CHIT1: variants seen among roughly 807,000 people sequenced by gnomAD.
CHIT1 encodes chitotriosidase-1.
In CHIT1, 47 loss-of-function variants were observed where a neutral mutation model predicts 52.0. The observed-to-expected ratio is 0.90, with a 90% CI of 0.71 to 1.15. The LOEUF is 1.15. Among genes scored for constraint, CHIT1 ranks in the 50% most tolerant of loss-of-function variants. The pLI is 0.00. For synonymous variants in CHIT1, 242 were observed against 228.2 expected (o/e 1.06, Z -0.54); for missense variants, 569 against 583.0 (o/e 0.98, Z 0.25).
chr1:203,219,641 A>G (rs759317712), intron 8 of CHIT1, 23 bp downstream of exon 8: 3 of 1,613,798 alleles, frequency 1.9e-6, no homozygotes, highest in South Asian at 2.2e-5. Flanking sequence ...CACAATACCC[A>G]GGGTGGTTAT....
intron 10 of CHIT1, chr1:203,217,341 C>T (rs1656570648): frequency 6.6e-7 from 1 of 1,519,740 alleles, no homozygotes; most frequent in Non-Finnish European, 8.8e-7. Flanking sequence ...CACCTGGCCT[C>T]ACATGTGACA....
upstream of CHIT1, chr1:203,229,964 C>A: frequency 2.4e-6 from 1 of 417,864 alleles, no homozygotes; most frequent in Non-Finnish European, 4.5e-6. Context: ...TGGTGAGGAC[C>A]ATAAGCAGCC....
Position 203,217,325 on chromosome 1 carries a change from A to G in CHIT1, c.1157-192T>C, listed in dbSNP as rs1289439700. On this transcript the variant is annotated intron_variant, in intron 10 of 10. Transcript: ENST00000367229. ...ACCTACAGCTGAAGCACAGTGCCAC[A>G]GGCAACACCTGGCCTCACATGTGAC... The G allele has an allele frequency of 2.0e-6, 3 of 1,527,142 alleles. No homozygotes were observed. The African/African-American group carries it at 4.1e-5, about 21-fold the overall frequency. The allele number at this position is 1,527,142 out of a possible 1,614,324, so 94.6% of individuals were successfully genotyped here.
intron 2 of CHIT1, among the ~76,000 whole-genome samples, chr1:203,227,867 C>T (rs1294461476): frequency 6.6e-6 from 1 of 152,198 alleles, no homozygotes; most frequent in Non-Finnish European, 1.5e-5. Context: ...ACCTCCAATG[C>T]TACAGCCCAG....
intron 7 of CHIT1, among the ~76,000 whole-genome samples, chr1:203,221,587 T>TA (rs1344243552): frequency 6.6e-6 from 1 of 152,184 alleles, no homozygotes; most frequent in Non-Finnish European, 1.5e-5. Context: ...TGCCACTGCA[T>TA]ACCCTCCTTG....
chr1:203,228,438 T>C, intron 2 of CHIT1, 95 bp downstream of exon 2: 1 of 1,312,886 alleles, frequency 7.6e-7, no homozygotes, highest in South Asian at 1.3e-5. Context: ...CACTGAAATC[T>C]GGAGCTCTTG....
In CHIT1 at chr1:203,229,631, C is replaced by A. The variant is rs1657060985; in HGVS notation, c.6G>T (p.Val2=). 1 of 1,614,124 alleles carries A rather than the reference C, an allele frequency of 6.2e-7. No individual in the cohort carries two copies. Among genetic ancestry groups the A allele is most frequent in the Non-Finnish European group, 8.5e-7 (1 of 1,180,008 alleles). Residue 2 remains valine (V), a synonymous_variant, in exon 1 of 11, where the codon GTG becomes GTT. Coordinates refer to ENST00000367229, the MANE Select transcript of CHIT1 (RefSeq NM_003465.3). Reference sequence around the variant, plus strand: ...GCTCACCTGCCCAGGCCACAGACCGCACCATGATGCAGCTCAGCGGCAGGC... The same window carrying A: ...GCTCACCTGCCCAGGCCACAGACCGAACCATGATGCAGCTCAGCGGCAGGC... M[V]RSVAWAGFMV... is the part of the protein sequence containing the mutation.
chr1:203,226,575 A>G (rs1190027032), intron 2 of CHIT1, among the ~76,000 whole-genome samples: 2 of 152,190 alleles, frequency 1.3e-5, no homozygotes, highest in African/African-American at 2.4e-5. Context: ...TCCCTTGTAG[A>G]TAATCTACGT....
intron 4 of CHIT1, among the ~76,000 whole-genome samples, chr1:203,224,487 A>G (rs7541179): frequency 0.028 from 4,192 of 152,310 alleles, 206 homozygotes; most frequent in African/African-American, 0.095. Flanking sequence ...AAGTTTTAGA[A>G]AGACTGTTTA....
At chr1:203,228,733 A>G (rs1657024478) in intron 1 of CHIT1, among the ~76,000 whole-genome samples, 171 bp from the exon 2 acceptor site, 1 of 152,090 alleles carries the variant, frequency 6.6e-6, no homozygotes, top group Non-Finnish European at 1.5e-5. Flanking sequence ...CTTCATGCAG[A>G]CCAGACCACG....
chr1:203,226,276 C>T (rs1049990459), intron 2 of CHIT1, among the ~76,000 whole-genome samples: 7 of 152,228 alleles, frequency 4.6e-5, no homozygotes, highest in African/African-American at 1.2e-4. Flanking sequence ...CTCCCAGGAT[C>T]AGGGTCTGGC....
chr1:203,225,008 T>C, intron 4 of CHIT1, 40 bp downstream of exon 4: 1 of 1,590,212 alleles, frequency 6.3e-7, no homozygotes, highest in Non-Finnish European at 8.6e-7. Flanking sequence ...CAGGTTCCCA[T>C]CCAGGAGCTT....
rs150852382 is a variant in CHIT1 at position 203,217,751 on chromosome 1, G to A, written c.1144C>T (p.Arg382Trp). The A allele has an allele frequency of 2.3e-5, 37 of 1,613,824 alleles. No homozygotes were observed. The highest frequency in any genetic ancestry group is 1.6e-4 in the Middle Eastern group (1 of 6,074). Residue 382 changes from arginine (R) to tryptophan (W), a missense_variant, in exon 10 of 11, where the codon CGG becomes TGG. Arg to Trp is a moderately radical substitution (Grantham distance 101). Coordinates refer to ENST00000367229, the MANE Select transcript of CHIT1 (RefSeq NM_003465.3). ...GCCCCTTACTTACTCAGTTCCTGCC[G>A]TAGCGTCTGGATGAGGGGGTATCGG... ...QGRYPLIQTL[R>W]QELSLPYLPS...
rs527497633 is a variant in CHIT1 at position 203,222,294 on chromosome 1, C to T, written c.637G>A (p.Asp213Asn). The T allele has an allele frequency of 2.2e-5, 36 of 1,614,162 alleles. No individual in the cohort carries two copies. The East Asian group carries it at 2.9e-4, about 13-fold the overall frequency. Residue 213 changes from aspartate (D) to asparagine (N), a missense_variant, in exon 7 of 11, where the codon GAC becomes AAC. Transcript: ENST00000367229. ...ACCTTCTCCCAAGAGCCATGGAAGT[C>T]GTAGGCCATAAGGTTGACAAAATCC... ...NLDFVNLMAY[D>N]FHGSWEKVTG...
Position 203,225,655 on chromosome 1 carries a change from C to A in CHIT1, c.257+14G>T. 6.2e-7 allele frequency: 1 copy of A among 1,611,038 alleles called. No individual in the cohort carries two copies. The highest frequency in any genetic ancestry group is 1.1e-5 in the South Asian group (1 of 91,008). On this transcript the variant is annotated intron_variant, in intron 3 of 10. Transcript: ENST00000367229. ...ACCACATCCCACCCACCCTGCTCCT[C>A]TGCTTTGGCTCACATCTTCTTCAGG... is the stretch of plus-strand genomic sequence containing the variant.
Position 203,219,828 on chromosome 1 carries a change from G to C in CHIT1, c.751C>G (p.Leu251Val), listed in dbSNP as rs761717527. The change falls in exon 8 of 11, where the codon CTG (leucine) becomes GTG (valine). Residue 251 changes from leucine to valine, a missense_variant. By Grantham distance (32) the Leu-to-Val change is conservative. Transcript: ENST00000367229. Reference sequence around the variant, plus strand: ...TTGCTGGCAGGGGTCCCCTTCTGCAGCCACTGTTGCACAGCAGCATCCTGG... The same window carrying C: ...TTGCTGGCAGGGGTCCCCTTCTGCACCCACTGTTGCACAGCAGCATCCTGG... ...LNVDAAVQQW[L>V]QKGTPASKLI... 1.2e-6 allele frequency: 2 copies of C among 1,612,150 alleles called. No individual in the cohort carries two copies. Among genetic ancestry groups the C allele is most frequent in the African/African-American group, 2.7e-5 (2 of 74,858 alleles).
chr1:203,221,226 C>A (rs1301947542), intron 7 of CHIT1, among the ~76,000 whole-genome samples: 1 of 152,100 alleles, frequency 6.6e-6, no homozygotes, highest in Admixed American at 6.6e-5. Flanking sequence ...AGGGCTTTTT[C>A]TTTGTTGTTT....
At chr1:203,220,790 C>T (rs966726718) in intron 7 of CHIT1, among the ~76,000 whole-genome samples, 1 of 152,208 alleles carries the variant, frequency 6.6e-6, no homozygotes, top group Admixed American at 6.5e-5. Flanking sequence ...CGGGGCTTCT[C>T]CTGATCTGTT....
chr1:203,223,697 G>A (rs1656826845), intron 4 of CHIT1, 37 bp from the exon 5 acceptor site: 1 of 1,607,962 alleles, frequency 6.2e-7, no homozygotes, highest in Non-Finnish European at 8.5e-7. Flanking sequence ...GCCGGCCTTG[G>A]ACCAGACAGG....
Sources: gnomAD v4.1 joint callset for allele counts (sites outside exome capture counted in the v4.1 genomes callset) on GRCh38, gnomAD v4.1.1 for gene constraint, MANE v1.5 for transcripts, NCBI Gene and HGNC (gene_info 2026-07-23, HGNC 2026-07-21) for gene names.